Variants in CRPPA observed in about 807,000 individuals in gnomAD.
CRPPA encodes the protein CDP-L-ribitol pyrophosphorylase A, also known as D-ribitol-5-phosphate cytidylyltransferase.
Under a neutral mutation model 52.0 loss-of-function variants are expected in CRPPA, and 43 were observed. That is an observed-to-expected ratio of 0.83 (90% CI 0.65 to 1.07). The LOEUF is 1.07. Among genes scored for constraint, CRPPA ranks in the 50% least tolerant of loss-of-function variants. The probability of loss-of-function intolerance (pLI) is 0.00; values close to 1 mark genes in which losing one functional copy is unlikely to be tolerated. For synonymous variants in CRPPA, 250 were observed against 203.5 expected (o/e 1.23, Z -1.94); for missense variants, 629 against 551.7 (o/e 1.14, Z -1.40).
intron 3 of CRPPA, among the ~76,000 whole-genome samples, chr7:16,341,227 G>T (rs1457745747): frequency 6.6e-6 from 1 of 151,874 alleles, no homozygotes; most frequent in African/African-American, 2.4e-5. Flanking sequence ...GTGAACCCTA[G>T]TGTAAACTAT....
intron 3 of CRPPA, among the ~76,000 whole-genome samples, chr7:16,322,028 C>A (rs1324208854): frequency 1.3e-5 from 2 of 152,072 alleles, no homozygotes; most frequent in African/African-American, 4.8e-5. Context: ...AAGATCCTAG[C>A]CCTGATGACA....
intron 8 of CRPPA, among the ~76,000 whole-genome samples, chr7:16,254,769 C>A (rs62440442): frequency 1.9e-5 from 2 of 103,420 alleles, no homozygotes; most frequent in South Asian, 3.1e-4. Context: ...AAGACAGACA[C>A]ACAGAAAGAA....
chr7:16,398,244 C>T (rs1314366113), intron 2 of CRPPA, among the ~76,000 whole-genome samples: 1 of 148,420 alleles, frequency 6.7e-6, no homozygotes, highest in Non-Finnish European at 1.5e-5. Context: ...GACACGTGAC[C>T]AACACGTGAC....
intron 9 of CRPPA, among the ~76,000 whole-genome samples, chr7:16,175,518 C>G (rs1781276006): frequency 1.3e-5 from 2 of 152,166 alleles, no homozygotes; most frequent in African/African-American, 2.4e-5. Context: ...GATTCACACT[C>G]TTCTCCATCT....
At chr7:16,372,269 A>T (rs1241199719) in intron 3 of CRPPA, among the ~76,000 whole-genome samples, 1 of 152,216 alleles carries the variant, frequency 6.6e-6, no homozygotes, top group African/African-American at 2.4e-5. Context: ...CGTCAAGACA[A>T]ATGAAAGAAA....
intron 9 of CRPPA, among the ~76,000 whole-genome samples, chr7:16,112,988 A>T (rs1562510058): frequency 6.6e-6 from 1 of 152,110 alleles, no homozygotes; most frequent in Non-Finnish European, 1.5e-5. Context: ...CATCAAAATA[A>T]ATACAGCATT....
chr7:16,160,545 C>T (rs572944790), intron 9 of CRPPA, among the ~76,000 whole-genome samples: 24 of 152,264 alleles, frequency 1.6e-4, no homozygotes, highest in African/African-American at 5.3e-4. Flanking sequence ...ATAGCAGTAC[C>T]GTGCTGCTTT....
intron 9 of CRPPA, among the ~76,000 whole-genome samples, chr7:16,123,598 T>C (rs79377400): frequency 2.6e-4 from 40 of 152,286 alleles, no homozygotes; most frequent in African/African-American, 9.6e-4. Context: ...AAATAGCATG[T>C]AATAGTGATG....
chr7:16,224,439 G>A (rs780352700), intron 8 of CRPPA, among the ~76,000 whole-genome samples: 1 of 152,126 alleles, frequency 6.6e-6, no homozygotes, highest in East Asian at 1.9e-4. Flanking sequence ...AGGATTGGTG[G>A]TATGAGGGGA....
At chr7:16,367,303 C>T (rs1786624516) in intron 3 of CRPPA, among the ~76,000 whole-genome samples, 1 of 152,140 alleles carries the variant, frequency 6.6e-6, no homozygotes, top group Non-Finnish European at 1.5e-5. Context: ...TCTGCAAATC[C>T]AATCCAGGCA....
At chr7:16,397,260 CCAACA>C (rs1345214198) in intron 2 of CRPPA, among the ~76,000 whole-genome samples, 3 of 152,292 alleles carry the variant, frequency 2.0e-5, no homozygotes, top group African/African-American at 7.2e-5. Flanking sequence ...GTACACATGA[CCAACA>C]CAACATGAGG....
intron 9 of CRPPA, among the ~76,000 whole-genome samples, chr7:16,148,873 G>A (rs1023619249): frequency 1.1e-4 from 17 of 152,050 alleles, no homozygotes; most frequent in Non-Finnish European, 1.5e-4. Flanking sequence ...TATGCTAATT[G>A]CCCTGATTTT....
intron 4 of CRPPA, among the ~76,000 whole-genome samples, chr7:16,308,022 G>A (rs1265365749): frequency 3.9e-5 from 6 of 152,050 alleles, no homozygotes; most frequent in Non-Finnish European, 7.3e-5. Context: ...CTGGTGGGAG[G>A]TGACTGGATC....
chr7:16,131,428 G>C (rs1222323729), intron 9 of CRPPA, among the ~76,000 whole-genome samples: 1 of 152,148 alleles, frequency 6.6e-6, no homozygotes, highest in Non-Finnish European at 1.5e-5. Context: ...TTGGAAACTG[G>C]AGGAAAGGTG....
chr7:16,171,101 GGGCTGCCAGCA>G (rs1286302306), intron 9 of CRPPA, among the ~76,000 whole-genome samples: 2 of 152,234 alleles, frequency 1.3e-5, no homozygotes, highest in African/African-American at 4.8e-5. Context: ...GAGCGAGTGA[GGGCTGCCAGCA>G]CGTTGTTATC....
intron 9 of CRPPA, among the ~76,000 whole-genome samples, chr7:16,206,939 G>A (rs899713258): frequency 2.0e-5 from 3 of 152,208 alleles, no homozygotes; most frequent in African/African-American, 7.2e-5. Flanking sequence ...CTTACCAGTT[G>A]TCAAAGGTGA....
At chr7:16,243,223 CT>C (rs1007866121) in intron 8 of CRPPA, among the ~76,000 whole-genome samples, 4 of 152,120 alleles carry the variant, frequency 2.6e-5, no homozygotes, top group Non-Finnish European at 5.9e-5. Flanking sequence ...CACCTGTCGC[CT>C]TTTGAAGAAG....
intron 3 of CRPPA, among the ~76,000 whole-genome samples, chr7:16,339,456 A>C (rs1177078195): frequency 6.6e-6 from 1 of 152,212 alleles, no homozygotes; most frequent in Non-Finnish European, 1.5e-5. Flanking sequence ...TCACATGATC[A>C]TATCAATAGA....
intron 8 of CRPPA, among the ~76,000 whole-genome samples, chr7:16,250,396 A>C (rs1371849084): frequency 6.6e-6 from 1 of 152,162 alleles, no homozygotes; most frequent in Non-Finnish European, 1.5e-5. Context: ...ATTCCTCGAA[A>C]AGAGCAACCC....
Sources: allele counts gnomAD v4.1 joint callset (sites outside exome capture counted in the v4.1 genomes callset), GRCh38; gene constraint gnomAD v4.1.1; transcripts MANE v1.5; gene names NCBI Gene and HGNC (gene_info 2026-07-23, HGNC 2026-07-21).